Variants in SAP130 observed in about 807,000 individuals in gnomAD.
SAP130 encodes histone deacetylase complex subunit SAP130.
Under a neutral mutation model 103.2 loss-of-function variants are expected in SAP130, and 16 were observed. The ratio of observed to expected loss-of-function variants is 0.16; its 90% CI spans 0.10 to 0.24. SAP130 has a LOEUF of 0.24. SAP130 is among the 10% of genes least tolerant of loss of function. The pLI, the probability that SAP130 is intolerant of heterozygous loss-of-function variation, is 1.00. For synonymous variants in SAP130, 477 were observed against 497.0 expected (o/e 0.96, Z 0.53); for missense variants, 990 against 1,359.7 (o/e 0.73, Z 4.28).
At position 127,996,459 on chromosome 2, in the gene SAP130, A is replaced by C. The variant is rs745337952; in HGVS notation, c.1246T>G (p.Ser416Ala). Residue 416 changes from serine (S) to alanine (A), a missense_variant, in exon 11 of 21, where the codon TCT becomes GCT. By Grantham distance (99) the Ser-to-Ala change is moderately conservative. This residue lies in a region of SAP130 where 336 missense variants were observed against 520.1 expected (regional missense o/e 0.65). Transcript: ENST00000643581. This position sits in a 1 kb window ranked among gnomAD's most constrained non-coding sequence, Gnocchi z 4.3. ...GGGTAGTCTGGCTGGATCCGAGGAG[A>C]AGTGTGCGTGATCTGCTGGGGCACC... ...KVVPQQITHT[S>A]PRIQPDYPAE... 16 of 1,598,482 alleles carry C rather than the reference A, an allele frequency of 1.0e-5. No homozygotes were observed. Among genetic ancestry groups the C allele is most frequent in the Non-Finnish European group, 1.3e-5 (15 of 1,172,074 alleles).
chr2:127,974,856 A>T (rs1681348482), intron 15 of SAP130, among the ~76,000 whole-genome samples: 2 of 152,178 alleles, frequency 1.3e-5, no homozygotes, highest in South Asian at 4.1e-4. Context: ...AGATACACAA[A>T]TATGTACCAC....
Position 127,977,991 on chromosome 2 carries a change from G to A in SAP130, c.2057C>T (p.Pro686Leu). 1.9e-6 allele frequency: 3 copies of A among 1,549,826 alleles called. No individual in the cohort carries two copies. Among genetic ancestry groups the A allele is most frequent in the Non-Finnish European group, 2.6e-6 (3 of 1,144,922 alleles). ...AGAACACTTAGGTGCTCACCCTGCA[G>A]GCCTAGGTGACCCAGACGTACTCCG... is the stretch of plus-strand genomic sequence containing the variant. Reference protein sequence around the residue: ...SMRSTSGSPRPAGAKPKSEIH... With the variant: ...SMRSTSGSPRLAGAKPKSEIH... The change falls in exon 15 of 21, where the codon CCT becomes CTT. Residue 686 changes from proline (P) to leucine (L), a missense_variant. Transcript: ENST00000643581.
chr2:127,952,626 C>CT (rs1449747413), intron 16 of SAP130, among the ~76,000 whole-genome samples: 1 of 152,054 alleles, frequency 6.6e-6, no homozygotes, highest in Non-Finnish European at 1.5e-5. Flanking sequence ...AGAAAAACTG[C>CT]TTTTCTCAAG....
Position 127,996,614 on chromosome 2 carries a change from A to C in SAP130, c.1214-123T>G. ...TAAAATAAGCCTGGATTTTTAATCA[A>C]AATAAAAAATGAAAAATAAGTACAA... On this transcript the variant is annotated intron_variant, in intron 10 of 20. Transcript: ENST00000643581. The surrounding 1 kb of genome is among the most constrained non-coding windows in gnomAD (Gnocchi z 4.3). 1 of 909,212 alleles carries C rather than the reference A, an allele frequency of 1.1e-6. No individual in the cohort carries two copies. Among genetic ancestry groups the C allele is most frequent in the Non-Finnish European group, 1.5e-6 (1 of 649,312 alleles). 56.3% of individuals were successfully genotyped at this position (909,212 alleles called of 1,614,324 possible).
At chr2:128,000,208 C>A in intron 8 of SAP130, 62 bp from the exon 9 acceptor site, 4 of 1,607,936 alleles carry the variant, frequency 2.5e-6, no homozygotes, top group Non-Finnish European at 3.4e-6. Context: ...AGGGTAAACA[C>A]AATCAATGCC....
At position 128,010,290 on chromosome 2, in the gene SAP130, T is replaced by C. The variant is rs758990090; in HGVS notation, c.848A>G (p.His283Arg). 8 of 1,613,730 alleles carry C rather than the reference T, an allele frequency of 5.0e-6. No individual in the cohort carries two copies. Among genetic ancestry groups the C allele is most frequent in the African/African-American group, 1.3e-5 (1 of 74,724 alleles). ...ATACCTAAGTGCTGAATCAGTAGCA[T>C]GCGCCGCTGTCGTAGTGATGACTGG... ...QSPVITTTAA[H>R]ATDSALSRPT... Residue 283 changes from histidine to arginine, a missense_variant, in exon 7 of 21, where the codon CAT becomes CGT. This residue lies in a region of SAP130 where 336 missense variants were observed against 520.1 expected (regional missense o/e 0.65). Coordinates refer to ENST00000643581, the MANE Select transcript of SAP130 (RefSeq NM_001330301.2).
chr2:128,018,260 A>G (rs1684908448), intron 2 of SAP130, among the ~76,000 whole-genome samples: 1 of 151,566 alleles, frequency 6.6e-6, no homozygotes, highest in East Asian at 1.9e-4. Context: ...CCTGACATTA[A>G]AAAGATATTT....
Position 127,966,970 on chromosome 2 carries a change from G to C in SAP130, c.2063+11015C>G, listed in dbSNP as rs1022092680. ...ATAACATACAAAATGTGAAACGATG[G>C]AAAAAGATATTTCATGAAAACAGTA... On this transcript the variant is annotated intron_variant, in intron 15 of 20. Coordinates refer to ENST00000643581, the MANE Select transcript of SAP130 (RefSeq NM_001330301.2). 2.0e-5 allele frequency among the ~76,000 whole-genome samples: 3 copies of C among 152,072 alleles called. No individual in the cohort carries two copies. In the East Asian group the frequency reaches 5.8e-4, roughly 29 times the overall value.
chr2:128,001,766 T>C (rs1683577936), intron 7 of SAP130, among the ~76,000 whole-genome samples: 1 of 152,110 alleles, frequency 6.6e-6, no homozygotes, highest in Non-Finnish European at 1.5e-5. Context: ...GATGTTTGCA[T>C]GTCAAGACTG....
chr2:127,978,100 CAA>C lies in SAP130; in HGVS notation c.1959-13_1959-12del, dbSNP rs1475099055. On this transcript the variant is annotated splice_polypyrimidine_tract_variant and intron_variant, in intron 14 of 20. Coordinates refer to ENST00000643581, the MANE Select transcript of SAP130 (RefSeq NM_001330301.2). ...TTCCGAACTGCCATTCTGAAAGAGA[CAA>C]GAGACAAACCCGGAGAACAGCAGTC... 1 of 1,547,782 alleles carries C rather than the reference CAA, an allele frequency of 6.5e-7. No individual in the cohort carries two copies. Among genetic ancestry groups the C allele is most frequent in the Non-Finnish European group, 8.7e-7 (1 of 1,143,524 alleles).
At chr2:128,010,143 C>T (rs576423427) in intron 7 of SAP130, 126 bp downstream of exon 7, 7 of 1,020,054 alleles carry the variant, frequency 6.9e-6, no homozygotes, top group Admixed American at 2.9e-5. Context: ...ATTTAGAACA[C>T]TACATAGCTC....
Position 128,016,462 on chromosome 2 carries a change from T to G in SAP130, c.434A>C (p.Gln145Pro). ...TLSLPPKVPG[Q>P]VTVTMESSIP... ...GCTACTCTCCATGGTAACGGTAACCTGCCCTGGAACCTTGGGGGGAAGTGA... is the reference window on the plus strand; with the variant it reads ...GCTACTCTCCATGGTAACGGTAACCGGCCCTGGAACCTTGGGGGGAAGTGA... The change falls in exon 4 of 21, where the codon CAG (glutamine) becomes CCG (proline). Residue 145 changes from glutamine to proline, a missense_variant. Transcript: ENST00000643581. 1 of 1,614,056 alleles carries G rather than the reference T, an allele frequency of 6.2e-7. No individual in the cohort carries two copies. Among genetic ancestry groups the G allele is most frequent in the Non-Finnish European group, 8.5e-7 (1 of 1,180,004 alleles).
In SAP130 at chr2:127,955,453, A is replaced by G; in HGVS notation, c.2064-109T>C. Reference sequence around the variant, plus strand: ...CAATTATTTCTGTCCAGCACACTGCACAATTTATACTCTATTTCCTTTTTT... The same window carrying G: ...CAATTATTTCTGTCCAGCACACTGCGCAATTTATACTCTATTTCCTTTTTT... On this transcript the variant is annotated intron_variant, in intron 15 of 20. Coordinates refer to ENST00000643581, the MANE Select transcript of SAP130 (RefSeq NM_001330301.2). This position sits in a 1 kb window ranked among gnomAD's most constrained non-coding sequence, Gnocchi z 4.9. The G allele has an allele frequency of 4.6e-6, 3 of 653,728 alleles. No individual in the cohort carries two copies. The South Asian group carries it at 7.9e-5, about 17-fold the overall frequency. The allele number at this position is 653,728 out of a possible 1,614,324, so 40.5% of individuals were successfully genotyped here.
rs1403582426 is a variant in SAP130 at position 128,014,922 on chromosome 2, A to G, written c.508-8T>C. The G allele has an allele frequency of 1.7e-5, 27 of 1,607,922 alleles. No homozygotes were observed. Among genetic ancestry groups the G allele is most frequent in the Non-Finnish European group, 2.2e-5 (26 of 1,174,526 alleles). ...CAGGTTACTGGGATGGCCCTGAAAGAAAGAGGATAGAACGTTATTTTTACA... is the reference window on the plus strand; with the variant it reads ...CAGGTTACTGGGATGGCCCTGAAAGGAAGAGGATAGAACGTTATTTTTACA... On this transcript the variant is annotated splice_region_variant and splice_polypyrimidine_tract_variant and intron_variant, in intron 4 of 20. Coordinates refer to ENST00000643581, the MANE Select transcript of SAP130 (RefSeq NM_001330301.2).
rs532801603 is a variant in SAP130 at position 127,969,729 on chromosome 2, C to T, written c.2063+8256G>A. On this transcript the variant is annotated intron_variant, in intron 15 of 20. Transcript: ENST00000643581. Reference sequence around the variant, plus strand: ...GCTGGAAATCTTTGTTATTCCTCGGCGCCTTCCCGATCTCTGCCTTCATGT... The same window carrying T: ...GCTGGAAATCTTTGTTATTCCTCGGTGCCTTCCCGATCTCTGCCTTCATGT... Among the ~76,000 whole-genome samples, 7 of 152,288 alleles carry T rather than the reference C, an allele frequency of 4.6e-5. 1 individual carries two copies. In the South Asian group the frequency reaches 1.0e-3, roughly 23 times the overall value.
Position 127,942,726 on chromosome 2 carries a change from C to T in SAP130, c.2902-189G>A, listed in dbSNP as rs1034651096. Among the ~76,000 whole-genome samples, 7 of 152,206 alleles carry T rather than the reference C, an allele frequency of 4.6e-5. No individual in the cohort carries two copies. Among genetic ancestry groups the T allele is most frequent in the Admixed American group, 4.6e-4 (7 of 15,290 alleles). Reference sequence around the variant, plus strand: ...TAAAGGGGCTGGGCGCGGTGGCTCACGCCTATAATCCCAGCACTTTGGGAG... The same window carrying T: ...TAAAGGGGCTGGGCGCGGTGGCTCATGCCTATAATCCCAGCACTTTGGGAG... On this transcript the variant is annotated intron_variant, in intron 19 of 20. Transcript: ENST00000643581. This position sits in a 1 kb window ranked among gnomAD's most constrained non-coding sequence, Gnocchi z 4.8.
At chr2:127,970,960 T>C (rs1423647072) in intron 15 of SAP130, among the ~76,000 whole-genome samples, 2 of 151,874 alleles carry the variant, frequency 1.3e-5, no homozygotes, top group Admixed American at 6.6e-5. Flanking sequence ...TTTCTCTCTT[T>C]TTTTTTTTTA....
chr2:128,015,871 G>T lies in SAP130; in HGVS notation c.507+518C>A, dbSNP rs531895163. 2.6e-4 allele frequency among the ~76,000 whole-genome samples: 39 copies of T among 151,422 alleles called. 1 individual carries two copies. The South Asian group carries it at 8.2e-3, about 32-fold the overall frequency. ...CAAGAGAATGGCTCGAACACGGGACGTGGACGTTGCTGTGAGCCAAGACTG... is the reference window on the plus strand; with the variant it reads ...CAAGAGAATGGCTCGAACACGGGACTTGGACGTTGCTGTGAGCCAAGACTG... On this transcript the variant is annotated intron_variant, in intron 4 of 20. Transcript: ENST00000643581.
At position 127,980,457 on chromosome 2, in the gene SAP130, C is replaced by T. The variant is rs562106471; in HGVS notation, c.1959-2368G>A. The stretch of plus-strand genomic sequence containing the variant: ...AAATGGGTAAAACCACGCAGAAAAC[C>T]ATGCTCCATGAAAGTTTAAAACAAG... On this transcript the variant is annotated intron_variant, in intron 14 of 20. Transcript: ENST00000643581. 6.6e-5 allele frequency among the ~76,000 whole-genome samples: 10 copies of T among 152,206 alleles called. No homozygotes were observed. The East Asian group carries it at 1.2e-3, about 18-fold the overall frequency.
Sources: allele counts gnomAD v4.1 joint callset (sites outside exome capture counted in the v4.1 genomes callset), GRCh38; gene constraint gnomAD v4.1.1; regional missense constraint gnomAD v4.1.1; non-coding constraint Gnocchi (gnomAD v3.1); transcripts MANE v1.5; gene names NCBI Gene and HGNC (gene_info 2026-07-23, HGNC 2026-07-21).